The following SANBR variants were observed in gnomAD, a reference collection of about 807,000 sequenced individuals.
SANBR encodes the protein SANT and BTB domain regulator of CSR.
A neutral mutation model predicts 101.8 loss-of-function variants in SANBR; 77 were observed. The ratio of observed to expected loss-of-function variants is 0.76; its 90% CI spans 0.63 to 0.91. SANBR has a LOEUF of 0.91. SANBR is among the 40% of genes least tolerant of loss of function. The pLI, the probability that SANBR is intolerant of heterozygous loss-of-function variation, is 0.00. For synonymous variants in SANBR, 279 were observed against 274.7 expected (o/e 1.02, Z -0.15); for missense variants, 875 against 853.0 (o/e 1.03, Z -0.32).
intron 21 of SANBR, among the ~76,000 whole-genome samples, chr2:61,134,606 T>C (rs1266292059): frequency 6.6e-6 from 1 of 152,196 alleles, no homozygotes; most frequent in Non-Finnish European, 1.5e-5. Flanking sequence ...ATTAGAAATA[T>C]ATTGTTGGCC....
chr2:61,071,474 C>T (rs1413141595), intron 3 of SANBR, 132 bp from the exon 4 acceptor site: 6 of 446,720 alleles, frequency 1.3e-5, no homozygotes, highest in South Asian at 4.6e-5. Flanking sequence ...TGCTTGAACC[C>T]GGGAGGCGGA....
At chr2:61,117,620 C>A in intron 19 of SANBR, 80 bp downstream of exon 19, 1 of 1,233,114 alleles carries the variant, frequency 8.1e-7, no homozygotes, top group Non-Finnish European at 1.2e-6. Context: ...ATACAGTATG[C>A]TGAATAGCTC....
At chr2:61,095,323 GT>G (rs1682980082) in intron 11 of SANBR, among the ~76,000 whole-genome samples, 2 of 151,258 alleles carry the variant, frequency 1.3e-5, no homozygotes, top group African/African-American at 4.9e-5. Context: ...TCATAAAATG[GT>G]TTGTATGCAG....
At chr2:61,129,301 A>G (rs1009724580) in intron 20 of SANBR, among the ~76,000 whole-genome samples, 10 of 151,876 alleles carry the variant, frequency 6.6e-5, no homozygotes, top group Non-Finnish European at 1.3e-4. Flanking sequence ...AAAATTATCC[A>G]GGTGTGGTGG....
At chr2:61,125,545 A>G (rs538003320), downstream of SANBR, among the ~76,000 whole-genome samples, 1 of 152,354 alleles carries the variant, frequency 6.6e-6, no homozygotes, top group Admixed American at 6.5e-5. Context: ...TGCTGTTTTC[A>G]AAGAGGCTTC....
chr2:61,133,451 C>T (rs926692360), intron 20 of SANBR, among the ~76,000 whole-genome samples: 2 of 151,330 alleles, frequency 1.3e-5, no homozygotes, highest in African/African-American at 4.9e-5. Flanking sequence ...ATGTGAATTT[C>T]ACTTTCAATA....
chr2:61,112,481 G>A (rs1030941314), intron 16 of SANBR, among the ~76,000 whole-genome samples: 1 of 151,392 alleles, frequency 6.6e-6, no homozygotes, highest in Non-Finnish European at 1.5e-5. Flanking sequence ...TCTATGCCTT[G>A]CCTTTTAATT....
chr2:61,073,432 TG>T lies in SANBR; in HGVS notation c.338-25del. On this transcript the variant is annotated intron_variant, in intron 4 of 21. Coordinates refer to ENST00000402291, the MANE Select transcript of SANBR (RefSeq NM_001129993.3). ...ACACTAACCCCCACCTTTTTTTTTT[TG>T]TATGTGTTTGTTTCTGTATTTAAGG... 10 of 1,177,336 alleles carry T rather than the reference TG, an allele frequency of 8.5e-6. No homozygotes were observed. The Admixed American group carries it at 9.2e-5, about 11-fold the overall frequency. 72.9% of individuals were successfully genotyped at this position (1,177,336 alleles called of 1,614,324 possible).
At chr2:61,076,812 C>A in intron 5 of SANBR, 108 bp from the exon 6 acceptor site, 1 of 741,560 alleles carries the variant, frequency 1.3e-6, no homozygotes, top group Non-Finnish European at 2.2e-6. Flanking sequence ...GATTTGTGTT[C>A]AGAATTTTCA....
intron 21 of SANBR, among the ~76,000 whole-genome samples, chr2:61,135,228 T>A (rs1398176870): frequency 1.3e-5 from 2 of 152,164 alleles, no homozygotes; most frequent in African/African-American, 4.8e-5. Flanking sequence ...TTTAAAAAAA[T>A]TAAGAGAAAG....
At chr2:61,085,700 G>A (rs554080431) in intron 8 of SANBR, among the ~76,000 whole-genome samples, 3 of 151,692 alleles carry the variant, frequency 2.0e-5, no homozygotes, top group African/African-American at 7.3e-5. Context: ...TAGTAGAGAC[G>A]GGGTTTCACC....
At chr2:61,078,587 A>C (rs1345976647) in intron 6 of SANBR, among the ~76,000 whole-genome samples, 2 of 151,768 alleles carry the variant, frequency 1.3e-5, no homozygotes, top group East Asian at 2.0e-4. Context: ...ACGCCCTGCT[A>C]ATTTTTGTAT....
At chr2:61,072,321 C>T (rs1354902675) in intron 4 of SANBR, among the ~76,000 whole-genome samples, 1 of 151,910 alleles carries the variant, frequency 6.6e-6, no homozygotes, top group Non-Finnish European at 1.5e-5. Flanking sequence ...TCAGTAATCC[C>T]AGTACTTTAG....
intron 12 of SANBR, among the ~76,000 whole-genome samples, chr2:61,100,014 A>G (rs1683209524): frequency 6.6e-6 from 1 of 152,212 alleles, no homozygotes; most frequent in Non-Finnish European, 1.5e-5. Context: ...ACAAATGGGA[A>G]CAGTATAAAT....
chr2:61,083,329 T>C lies in SANBR; in HGVS notation c.890+15T>C. On this transcript the variant is annotated intron_variant, in intron 8 of 21. Transcript: ENST00000402291. ...AAATTTAAAAGGTAATTTCAAAAGT[T>C]TAATTTTAAACCTAATACTCCTGTT... The C allele has an allele frequency of 6.8e-7, 1 of 1,470,658 alleles. No homozygotes were observed. The highest frequency in any genetic ancestry group is 9.4e-7 in the Non-Finnish European group (1 of 1,062,286). 91.1% of individuals were successfully genotyped at this position (1,470,658 alleles called of 1,614,324 possible).
Position 61,081,243 on chromosome 2 carries a change from G to A in SANBR, c.671-209G>A, listed in dbSNP as rs1280496994. On this transcript the variant is annotated intron_variant, in intron 6 of 21. Transcript: ENST00000402291. ...TCTTTTTACTTTATATGAATCTAAC[G>A]CCAGGGTAAATTTATTGTACATTTT... Among the ~76,000 whole-genome samples the A allele has an allele frequency of 2.6e-5, 4 of 151,826 alleles. No individual in the cohort carries two copies. In the South Asian group the frequency reaches 6.2e-4, roughly 24 times the overall value.
rs550687795 is a variant in SANBR at position 61,104,801 on chromosome 2, C to T, written c.1511+803C>T. On this transcript the variant is annotated intron_variant, in intron 13 of 21. Transcript: ENST00000402291. ...AGGCTGTTCTTAGCCAGGCACAGTG[C>T]CTCATGCCTTTAATCCCAGCACTTT... Among the ~76,000 whole-genome samples, 11 of 146,178 alleles carry T rather than the reference C, an allele frequency of 7.5e-5. No individual in the cohort carries two copies. In the East Asian group the frequency reaches 2.3e-3, roughly 30 times the overall value.
chr2:61,088,042 A>G, intron 8 of SANBR, 117 bp from the exon 9 acceptor site: 1 of 564,186 alleles, frequency 1.8e-6, no homozygotes, highest in South Asian at 2.9e-5. Context: ...ATAAACTCCC[A>G]AGAGAGCCAC....
chr2:61,108,822 C>G (rs1414587738), intron 15 of SANBR, among the ~76,000 whole-genome samples: 2 of 152,126 alleles, frequency 1.3e-5, no homozygotes, highest in Admixed American at 1.3e-4. Flanking sequence ...ACCACATTCA[C>G]CCAGAGAATG....
Sources: gnomAD v4.1 joint callset for allele counts (sites outside exome capture counted in the v4.1 genomes callset) on GRCh38, gnomAD v4.1.1 for gene constraint, MANE v1.5 for transcripts, NCBI Gene and HGNC (gene_info 2026-07-23, HGNC 2026-07-21) for gene names.